Variants in NRG3 observed in about 807,000 individuals in gnomAD.
NRG3 encodes pro-neuregulin-3, membrane-bound isoform.
NRG3 carries 31 observed loss-of-function variants against 66.9 expected under a neutral mutation model. That is an observed-to-expected ratio of 0.46 (90% CI 0.35 to 0.63). The LOEUF is 0.63. Among genes scored for constraint, NRG3 ranks in the 20% least tolerant of loss-of-function variants. The pLI is 0.00. For missense variants in NRG3, 910 were observed against 878.9 expected (o/e 1.04, Z -0.45); for synonymous variants, 393 against 359.4 (o/e 1.09, Z -1.06).
At chr10:82,831,039 T>C (rs2062493938) in intron 3 of NRG3, among the ~76,000 whole-genome samples, 1 of 152,212 alleles carries the variant, frequency 6.6e-6, no homozygotes, top group African/African-American at 2.4e-5. Context: ...TGCTAATTTA[T>C]TAATTTACGT....
intron 4 of NRG3, among the ~76,000 whole-genome samples, chr10:82,875,780 G>A (rs1841766285): frequency 6.6e-6 from 1 of 152,116 alleles, no homozygotes; most frequent in African/African-American, 2.4e-5. Flanking sequence ...TATTTGACAT[G>A]GACATTCCAA....
chr10:82,346,710 TG>T (rs1401485448), intron 1 of NRG3, among the ~76,000 whole-genome samples: 1 of 151,596 alleles, frequency 6.6e-6, no homozygotes, highest in African/African-American at 2.4e-5. Context: ...TCTTTTTGGT[TG>T]GTAAGCTATT....
chr10:82,640,852 G>C (rs1297575383), intron 2 of NRG3, among the ~76,000 whole-genome samples: 6 of 151,912 alleles, frequency 3.9e-5, no homozygotes, highest in Non-Finnish European at 8.8e-5. Context: ...TGCCTCATAG[G>C]CCTATTATTT....
At chr10:82,917,466 T>G (rs1845950205) in intron 4 of NRG3, among the ~76,000 whole-genome samples, 1 of 152,196 alleles carries the variant, frequency 6.6e-6, no homozygotes, top group East Asian at 1.9e-4. Flanking sequence ...CAGAGCCTGG[T>G]GTGCATTAGA....
At chr10:81,970,033 A>G (rs1218939032) in intron 1 of NRG3, among the ~76,000 whole-genome samples, 2 of 152,216 alleles carry the variant, frequency 1.3e-5, no homozygotes, top group Non-Finnish European at 2.9e-5. Flanking sequence ...TAGATTCTCA[A>G]TAAAAACCTG....
intron 4 of NRG3, among the ~76,000 whole-genome samples, chr10:82,895,535 G>A (rs921010797): frequency 1.5e-5 from 2 of 135,382 alleles, no homozygotes; most frequent in East Asian, 2.3e-4. Context: ...CTGTCACCCA[G>A]GCTGGAGTGC....
At chr10:82,631,910 C>T (rs540072853) in intron 2 of NRG3, among the ~76,000 whole-genome samples, 6 of 151,896 alleles carry the variant, frequency 4.0e-5, no homozygotes, top group East Asian at 1.9e-4. Context: ...AAGACCAGCC[C>T]GGCCAACATG....
intron 2 of NRG3, among the ~76,000 whole-genome samples, chr10:82,497,109 T>G (rs1843698734): frequency 6.6e-6 from 1 of 152,198 alleles, no homozygotes. Flanking sequence ...GTATATATCC[T>G]ATTCAAAAAA....
intron 2 of NRG3, among the ~76,000 whole-genome samples, chr10:82,370,357 G>C (rs2084801737): frequency 7.3e-6 from 1 of 137,864 alleles, no homozygotes; most frequent in South Asian, 2.2e-4. Flanking sequence ...GTCACCCCCT[G>C]CTGAACTCCC....
At chr10:82,544,502 G>A (rs2043758957) in intron 2 of NRG3, among the ~76,000 whole-genome samples, 1 of 152,110 alleles carries the variant, frequency 6.6e-6, no homozygotes, top group African/African-American at 2.4e-5. Flanking sequence ...TTAGCCAATG[G>A]GATATTAACA....
chr10:82,601,142 G>C (rs1301254224), intron 2 of NRG3, among the ~76,000 whole-genome samples: 1 of 152,168 alleles, frequency 6.6e-6, no homozygotes, highest in Non-Finnish European at 1.5e-5. Context: ...TTTTATGGCT[G>C]TGTAGTGTTC....
At chr10:82,013,842 C>T (rs576839646) in intron 1 of NRG3, among the ~76,000 whole-genome samples, 1 of 151,984 alleles carries the variant, frequency 6.6e-6, no homozygotes, top group African/African-American at 2.4e-5. Flanking sequence ...CTAAAAAGAA[C>T]AAAAATAATG....
At chr10:82,406,826 C>A (rs2087557640) in intron 2 of NRG3, among the ~76,000 whole-genome samples, 1 of 151,966 alleles carries the variant, frequency 6.6e-6, no homozygotes, top group African/African-American at 2.4e-5. Context: ...GTACCGTTTT[C>A]CTCTATCCAA....
At chr10:82,767,256 GC>G (rs1385654158) in intron 3 of NRG3, among the ~76,000 whole-genome samples, 1 of 151,928 alleles carries the variant, frequency 6.6e-6, no homozygotes, top group Admixed American at 6.6e-5. Flanking sequence ...TTCTCAATCT[GC>G]TGCCTGCATG....
At chr10:82,457,511 A>G (rs375817554) in intron 2 of NRG3, among the ~76,000 whole-genome samples, 13 of 152,192 alleles carry the variant, frequency 8.5e-5, no homozygotes, top group African/African-American at 2.9e-4. Flanking sequence ...CTAACAGGCC[A>G]TGGACCAGCA....
At chr10:82,084,406 G>T (rs992393269) in intron 1 of NRG3, among the ~76,000 whole-genome samples, 5 of 151,102 alleles carry the variant, frequency 3.3e-5, no homozygotes, top group Admixed American at 6.6e-5. Context: ...ATTTGCTTCT[G>T]TTAACAATAT....
intron 1 of NRG3, among the ~76,000 whole-genome samples, chr10:82,158,046 A>G (rs906657018): frequency 1.3e-5 from 2 of 151,716 alleles, no homozygotes; most frequent in African/African-American, 4.8e-5. Context: ...TAGGATTATT[A>G]CAAAAAACAC....
intron 2 of NRG3, among the ~76,000 whole-genome samples, chr10:82,457,965 T>C (rs190490717): frequency 6.6e-6 from 1 of 152,222 alleles, no homozygotes; most frequent in Admixed American, 6.5e-5. Flanking sequence ...AAAAAGAGCA[T>C]GTAATTTGGG....
chr10:82,382,522 T>C (rs113233644), intron 2 of NRG3, among the ~76,000 whole-genome samples: 217 of 152,142 alleles, frequency 1.4e-3, no homozygotes, highest in African/African-American at 4.9e-3. Context: ...TTTTGTTAGG[T>C]AGATTTTGAA....
Sources: gnomAD v4.1 joint callset for allele counts (sites outside exome capture counted in the v4.1 genomes callset) on GRCh38, gnomAD v4.1.1 for gene constraint, MANE v1.5 for transcripts, NCBI Gene and HGNC (gene_info 2026-07-23, HGNC 2026-07-21) for gene names.